The following EML5 variants were observed in gnomAD, a reference collection of about 807,000 sequenced individuals.
EML5 encodes echinoderm microtubule-associated protein-like 5.
EML5 carries 120 observed loss-of-function variants against 250.0 expected under a neutral mutation model. The ratio of observed to expected loss-of-function variants is 0.48; its 90% CI spans 0.41 to 0.56. The LOEUF is 0.56. EML5 is among the 20% of genes least tolerant of loss of function. EML5 has a pLI of 0.00. For synonymous variants in EML5, 771 were observed against 806.5 expected, an observed-to-expected ratio of 0.96 and a Z score of 0.75; for missense variants, 2,006 against 2,437.6, an observed-to-expected ratio of 0.82 and a Z score of 3.73.
At chr14:88,630,167 A>C (rs1051268414) in intron 33 of EML5, among the ~76,000 whole-genome samples, 1 of 150,290 alleles carries the variant, frequency 6.7e-6, no homozygotes, top group African/African-American at 2.5e-5. Context: ...AGTAGCTGGG[A>C]TTACAGGCAC....
intron 1 of EML5, among the ~76,000 whole-genome samples, chr14:88,755,354 T>C (rs1284236300): frequency 2.6e-5 from 4 of 152,216 alleles, no homozygotes; most frequent in African/African-American, 7.2e-5. Flanking sequence ...TTACTATTCC[T>C]TTCACTGGAT....
At chr14:88,779,395 T>C (rs932047390) in intron 1 of EML5, among the ~76,000 whole-genome samples, 5 of 152,230 alleles carry the variant, frequency 3.3e-5, no homozygotes, top group African/African-American at 4.8e-5. Context: ...ATGAGACCTA[T>C]GGCTAATTAC....
At chr14:88,669,409 T>C (rs1260176146) in intron 21 of EML5, among the ~76,000 whole-genome samples, 1 of 152,174 alleles carries the variant, frequency 6.6e-6, no homozygotes, top group Non-Finnish European at 1.5e-5. Context: ...TGATGGTGCC[T>C]GGGAAAATAG....
intron 29 of EML5, among the ~76,000 whole-genome samples, chr14:88,645,274 C>T (rs778322149): frequency 2.0e-5 from 3 of 152,222 alleles, no homozygotes; most frequent in Non-Finnish European, 4.4e-5. Flanking sequence ...GATCCGCCTA[C>T]CTCGGCCTCC....
rs569035763 is a variant in EML5 at position 88,685,746 on chromosome 14, G to A, written c.2855-604C>T. On this transcript the variant is annotated intron_variant, in intron 19 of 43. Transcript: ENST00000554922. Reference sequence around the variant, plus strand: ...ATTACAGATGTGGGCCACCACAGCCGGCCCCCATGTGCTTTAAATAACTTT... The same window carrying A: ...ATTACAGATGTGGGCCACCACAGCCAGCCCCCATGTGCTTTAAATAACTTT... Among the ~76,000 whole-genome samples, 6 of 152,060 alleles carry A rather than the reference G, an allele frequency of 3.9e-5. 1 individual carries two copies. The highest frequency in any genetic ancestry group is 7.2e-5 in the African/African-American group (3 of 41,480).
chr14:88,704,176 C>T (rs1465622227), intron 13 of EML5, among the ~76,000 whole-genome samples: 1 of 152,122 alleles, frequency 6.6e-6, no homozygotes, highest in African/African-American at 2.4e-5. Flanking sequence ...GTGCCATCCC[C>T]TTGGTGATGA....
intron 27 of EML5, among the ~76,000 whole-genome samples, chr14:88,655,668 C>A (rs930267024): frequency 7.2e-5 from 11 of 152,188 alleles, no homozygotes; most frequent in Admixed American, 7.2e-4. Flanking sequence ...GCAAGAGAAA[C>A]CATCATCAGA....
chr14:88,718,807 T>C (rs759039658), intron 8 of EML5, among the ~76,000 whole-genome samples: 7 of 152,108 alleles, frequency 4.6e-5, no homozygotes, highest in Non-Finnish European at 7.4e-5. Context: ...ATGGGACACA[T>C]TGAGCATGTT....
intron 21 of EML5, among the ~76,000 whole-genome samples, chr14:88,679,746 A>G (rs979977495): frequency 1.3e-5 from 2 of 152,146 alleles, no homozygotes; most frequent in East Asian, 3.9e-4. Context: ...ACAAAAAAAA[A>G]CTTTTTCAAA....
rs774937073 is a variant in EML5 at position 88,783,080 on chromosome 14, C to CA, written c.197+9226dup. Among the ~76,000 whole-genome samples the CA allele has an allele frequency of 4.9e-4, 69 of 141,376 alleles. 1 individual carries two copies. Among genetic ancestry groups the CA allele is most frequent in the East Asian group, 8.1e-4 (4 of 4,936 alleles). 92.7% of individuals were successfully genotyped at this position (141,376 alleles called of 152,430 possible). A position where few individuals can be genotyped will look rare whatever the true frequency, so the allele number is the denominator to read the frequency against. On this transcript the variant is annotated intron_variant, in intron 1 of 43. Transcript: ENST00000554922. ...GGCAAGACAGAGTGAGACTCCATGT[C>CA]AAAAAAAAAGAAAAAAAAAGAAGAA...
chr14:88,672,794 T>C (rs991730030), intron 21 of EML5, among the ~76,000 whole-genome samples: 2 of 152,028 alleles, frequency 1.3e-5, no homozygotes, highest in African/African-American at 2.4e-5. Context: ...CTGGAAGAAA[T>C]GGATAAATTC....
At chr14:88,698,442 T>G (rs374424889) in intron 14 of EML5, among the ~76,000 whole-genome samples, 164 of 152,154 alleles carry the variant, frequency 1.1e-3, no homozygotes, top group African/African-American at 3.3e-3. Flanking sequence ...AATTTTTGTA[T>G]TTTTTGTAAA....
intron 21 of EML5, among the ~76,000 whole-genome samples, chr14:88,670,152 TA>T (rs1000449609): frequency 7.6e-5 from 11 of 144,192 alleles, no homozygotes; most frequent in Non-Finnish European, 1.1e-4. Flanking sequence ...CCATCTCTAC[TA>T]AAAAAAAAAC....
intron 1 of EML5, among the ~76,000 whole-genome samples, chr14:88,778,759 C>T (rs137918709): frequency 0.01 from 1,565 of 152,306 alleles, 25 homozygotes; most frequent in African/African-American, 0.036. Flanking sequence ...AGCCTGGCGA[C>T]ACAGCAAGAC....
intron 17 of EML5, among the ~76,000 whole-genome samples, chr14:88,691,665 G>A (rs1477512195): frequency 6.6e-6 from 1 of 152,178 alleles, no homozygotes; most frequent in Non-Finnish European, 1.5e-5. Context: ...GAGGCAAGAA[G>A]CCCCATGTTA....
chr14:88,658,748 G>C (rs753137947), intron 25 of EML5, among the ~76,000 whole-genome samples: 3 of 151,950 alleles, frequency 2.0e-5, no homozygotes, highest in African/African-American at 7.3e-5. Flanking sequence ...ACTTACCATG[G>C]TATTTACTTA....
chr14:88,634,313 G>T (rs1467696420), intron 33 of EML5, among the ~76,000 whole-genome samples, 156 bp downstream of exon 33: 1 of 152,174 alleles, frequency 6.6e-6, no homozygotes, highest in East Asian at 1.9e-4. Context: ...TGTACAGCCT[G>T]TGGAGCTGTG....
At chr14:88,647,006 T>A in intron 28 of EML5, 51 bp from the exon 29 acceptor site, 1 of 1,548,960 alleles carries the variant, frequency 6.5e-7, no homozygotes, top group Non-Finnish European at 8.7e-7. Context: ...AAATTTGAAT[T>A]GAAAACACTA....
Position 88,665,463 on chromosome 14 carries a change from C to G in EML5, c.3151G>C (p.Asp1051His). The change falls in exon 22 of 44, where the codon GAT becomes CAT. Residue 1051 changes from aspartate to histidine, a missense_variant. By Grantham distance (81) the Asp-to-His change is moderately conservative. Around this residue, in one of 7 missense-constraint regions of EML5, gnomAD observed 1,375 missense variants for 1,590.3 expected, o/e 0.86. Transcript: ENST00000554922. The part of the protein sequence containing the change: ...KGGRCCCFSP[D>H]GKALAVGLND... ...AGACCTACGGCTAAAGCTTTACCAT[C>G]AGGAGAAAAACAGCAACACCTCCCA... The G allele has an allele frequency of 2.5e-6, 4 of 1,613,962 alleles. No homozygotes were observed. The highest frequency in any genetic ancestry group is 3.4e-6 in the Non-Finnish European group (4 of 1,179,874).
Sources: allele counts gnomAD v4.1 joint callset (sites outside exome capture counted in the v4.1 genomes callset), GRCh38; gene constraint gnomAD v4.1.1; regional missense constraint gnomAD v4.1.1; transcripts MANE v1.5; gene names NCBI Gene and HGNC (gene_info 2026-07-23, HGNC 2026-07-21).